The following RTTN variants were observed in gnomAD, a reference collection of about 807,000 sequenced individuals.
The protein encoded by RTTN is rotatin.
Under a neutral mutation model 269.2 loss-of-function variants are expected in RTTN, and 182 were observed. The ratio of observed to expected loss-of-function variants is 0.68; its 90% confidence interval spans 0.60 to 0.76. The LOEUF is 0.76. RTTN is among the 30% of genes least tolerant of loss of function. The pLI, the probability that RTTN is intolerant of heterozygous loss-of-function variation, is 0.00. For synonymous variants in RTTN, 1,006 were observed against 963.5 expected (o/e 1.04, Z -0.82); for missense variants, 2,545 against 2,608.6 (o/e 0.98, Z 0.53).
At chr18:70,058,666 T>C (rs2057889245) in intron 36 of RTTN, among the ~76,000 whole-genome samples, 1 of 152,154 alleles carries the variant, frequency 6.6e-6, no homozygotes, top group Non-Finnish European at 1.5e-5. Flanking sequence ...CACATCAGAC[T>C]CTTAGCTGAC....
At chr18:70,195,110 C>T (rs1238986577) in intron 7 of RTTN, among the ~76,000 whole-genome samples, 2 of 152,210 alleles carry the variant, frequency 1.3e-5, no homozygotes, top group African/African-American at 4.8e-5. Flanking sequence ...ACTCTGGCCC[C>T]TAACTACCTC....
intron 10 of RTTN, among the ~76,000 whole-genome samples, chr18:70,182,306 TA>T (rs1305590363): frequency 1.3e-5 from 2 of 152,226 alleles, no homozygotes; most frequent in Non-Finnish European, 1.5e-5. Flanking sequence ...ATCTGTAATT[TA>T]TTTTTTTATA....
intron 10 of RTTN, among the ~76,000 whole-genome samples, chr18:70,177,162 C>A (rs1035380030): frequency 6.6e-6 from 1 of 152,108 alleles, no homozygotes; most frequent in Non-Finnish European, 1.5e-5. Flanking sequence ...GTTTCTAGTG[C>A]CTAATTGTTC....
intron 25 of RTTN, among the ~76,000 whole-genome samples, chr18:70,124,017 T>C (rs2059802098): frequency 6.6e-6 from 1 of 151,836 alleles, no homozygotes; most frequent in African/African-American, 2.4e-5. Context: ...CACAATACCC[T>C]TGTAAAATAG....
chr18:70,094,838 C>CTT (rs563330665), intron 28 of RTTN, among the ~76,000 whole-genome samples: 1 of 145,540 alleles, frequency 6.9e-6, no homozygotes, highest in African/African-American at 2.5e-5. Context: ...TTGAATATCC[C>CTT]TTTTTTTTTT....
At chr18:70,020,401 G>T (rs1027136856) in intron 45 of RTTN, among the ~76,000 whole-genome samples, 1 of 152,150 alleles carries the variant, frequency 6.6e-6, no homozygotes, top group African/African-American at 2.4e-5. Context: ...AAATGAGAAG[G>T]AAATGGTATG....
chr18:70,110,380 G>A (rs1217041811), intron 27 of RTTN, among the ~76,000 whole-genome samples: 1 of 152,152 alleles, frequency 6.6e-6, no homozygotes, highest in African/African-American at 2.4e-5. Context: ...ATCTCACTGG[G>A]ACTGGTTGGA....
chr18:70,115,136 TTA>T (rs2059572121), intron 26 of RTTN, among the ~76,000 whole-genome samples: 1 of 152,204 alleles, frequency 6.6e-6, no homozygotes, highest in East Asian at 1.9e-4. Flanking sequence ...AAGTTGGATT[TTA>T]TCTTATGTAT....
intron 18 of RTTN, among the ~76,000 whole-genome samples, chr18:70,143,106 A>T (rs974552762): frequency 2.0e-5 from 3 of 152,176 alleles, no homozygotes; most frequent in Admixed American, 6.5e-5. Context: ...TTCTCCAATG[A>T]TCAGTGATAT....
In RTTN at chr18:70,059,907, G is replaced by A. The variant is rs1421843051; in HGVS notation, c.4883C>T (p.Ala1628Val). The A allele has an allele frequency of 3.1e-6, 5 of 1,613,446 alleles. No individual in the cohort carries two copies. In the East Asian group the frequency reaches 1.1e-4, roughly 36 times the overall value. Residue 1628 changes from alanine (A) to valine (V), a missense_variant, in exon 36 of 49, where the codon GCT (alanine) becomes GTT (valine). Ala to Val is a moderately conservative substitution (Grantham distance 64, BLOSUM62 0). Transcript: ENST00000640769. ...CSLLDNLLTI[A>V]PRDTAKAFRQ... is the part of the protein sequence containing the mutation. ...AAAAGCCTTTGCAGTGTCTCTGGGAGCAATCGTCAAGAGGTTGTCCAAGAG... is the reference window on the plus strand; with the variant it reads ...AAAAGCCTTTGCAGTGTCTCTGGGAACAATCGTCAAGAGGTTGTCCAAGAG...
intron 43 of RTTN, among the ~76,000 whole-genome samples, chr18:70,025,121 C>T (rs760629138): frequency 3.1e-4 from 47 of 152,196 alleles, no homozygotes; most frequent in Admixed American, 9.2e-4. Context: ...GTAAATTAAA[C>T]AGCAAAGTGA....
intron 32 of RTTN, among the ~76,000 whole-genome samples, chr18:70,084,356 T>A (rs1245985409): frequency 6.6e-6 from 1 of 152,174 alleles, no homozygotes; most frequent in African/African-American, 2.4e-5. Context: ...AAATGAAACA[T>A]TTTGTTGAAT....
chr18:70,009,920 A>G (rs1263862979), intron 46 of RTTN, among the ~76,000 whole-genome samples: 1 of 152,184 alleles, frequency 6.6e-6, no homozygotes, highest in East Asian at 1.9e-4. Context: ...GAGAAAAAAA[A>G]AGCAGAGGTG....
intron 17 of RTTN, among the ~76,000 whole-genome samples, chr18:70,147,095 T>C (rs1390351993): frequency 2.6e-5 from 4 of 152,232 alleles, no homozygotes; most frequent in Admixed American, 2.6e-4. Flanking sequence ...TTTATGCATC[T>C]TGTTCTCTGG....
intron 11 of RTTN, 73 bp from the exon 12 acceptor site, chr18:70,169,140 C>T: frequency 8.9e-7 from 1 of 1,120,742 alleles, no homozygotes; most frequent in South Asian, 1.7e-5. Context: ...ACATAGTGGG[C>T]TATAGTCTTA....
intron 24 of RTTN, 169 bp from the exon 25 acceptor site, chr18:70,127,910 A>AT: frequency 1.6e-6 from 1 of 625,362 alleles, no homozygotes; most frequent in East Asian, 2.8e-5. Flanking sequence ...CAATATTAGG[A>AT]TTTTACATTG....
intron 40 of RTTN, among the ~76,000 whole-genome samples, chr18:70,032,576 A>G (rs2144641843): frequency 6.6e-6 from 1 of 152,358 alleles, no homozygotes; most frequent in South Asian, 2.1e-4. Context: ...GATAAAAAAG[A>G]CAAAGAAGGG....
At chr18:70,075,070 C>T in intron 33 of RTTN, 1 of 225,782 alleles carries the variant, frequency 4.4e-6, no homozygotes, top group Non-Finnish European at 8.5e-6. Flanking sequence ...AAATAATTTC[C>T]ATGAAGAATT....
intron 38 of RTTN, among the ~76,000 whole-genome samples, chr18:70,053,915 C>A (rs556920735): frequency 6.6e-6 from 1 of 152,310 alleles, no homozygotes; most frequent in Non-Finnish European, 1.5e-5. Context: ...CTCATTTAAA[C>A]TGAAAACTCA....
Sources: allele counts gnomAD v4.1 joint callset (sites outside exome capture counted in the v4.1 genomes callset), GRCh38; gene constraint gnomAD v4.1.1; transcripts MANE v1.5; gene names NCBI Gene and HGNC (gene_info 2026-07-23, HGNC 2026-07-21).